RCAN1: variants seen among roughly 807,000 people sequenced by gnomAD.
RCAN1 encodes regulator of calcineurin 1, also known as calcipressin-1.
Under a neutral mutation model 22.9 loss-of-function variants are expected in RCAN1, and 11 were observed. That is an observed-to-expected ratio of 0.48 (90% confidence interval 0.30 to 0.79). The LOEUF (loss-of-function observed/expected upper bound fraction) is 0.79, where lower values mean the gene tolerates loss of function less well. RCAN1 is among the 30% of genes least tolerant of loss of function. The pLI is 0.06. For synonymous variants in RCAN1, 136 were observed against 142.3 expected, an observed-to-expected ratio of 0.96 and a Z score of 0.32; for missense variants, 291 against 337.8, an observed-to-expected ratio of 0.86 and a Z score of 1.09.
intron 1 of RCAN1, among the ~76,000 whole-genome samples, chr21:34,581,418 T>C (rs1487658406): frequency 6.6e-6 from 1 of 152,174 alleles, no homozygotes; most frequent in Non-Finnish European, 1.5e-5. Context: ...GAAAAATGAA[T>C]TGCTGTTGCC....
intron 1 of RCAN1, among the ~76,000 whole-genome samples, chr21:34,536,277 C>T (rs1331233034): frequency 6.6e-6 from 1 of 152,174 alleles, no homozygotes; most frequent in Admixed American, 6.5e-5. Context: ...AATTAATTAC[C>T]CTTTATTTGT....
At chr21:34,551,337 C>T (rs1986359404) in intron 1 of RCAN1, among the ~76,000 whole-genome samples, 1 of 152,080 alleles carries the variant, frequency 6.6e-6, no homozygotes, top group Non-Finnish European at 1.5e-5. Context: ...ATCATTTCTT[C>T]CTTGGAAAAA....
chr21:34,576,329 G>A (rs951270145), intron 1 of RCAN1, among the ~76,000 whole-genome samples: 2 of 152,110 alleles, frequency 1.3e-5, no homozygotes, highest in Non-Finnish European at 1.5e-5. Flanking sequence ...TCCTCTACCC[G>A]AGCTGTTCTT....
In RCAN1 at chr21:34,568,433, A is replaced by G. The variant is rs188477125; in HGVS notation, c.253-44723T>C. On this transcript the variant is annotated intron_variant, in intron 1 of 3. Transcript: ENST00000313806. ...TTAACTTTGAGAATTTGGTTTTCCA[A>G]CTTCACAATGAAGTGAGCTTGTAAC... is the stretch of plus-strand genomic sequence containing the variant. Among the ~76,000 whole-genome samples, 277 of 152,286 alleles carry G rather than the reference A, an allele frequency of 1.8e-3. 5 individuals carry two copies. Among genetic ancestry groups the G allele is most frequent in the Non-Finnish European group, 1.9e-3 (127 of 68,042 alleles).
Position 34,614,640 on chromosome 21 carries a change from G to T in RCAN1, c.252+120C>A. 1 of 1,122,222 alleles carries T rather than the reference G, an allele frequency of 8.9e-7. No homozygotes were observed. The highest frequency in any genetic ancestry group is 1.1e-6 in the Non-Finnish European group (1 of 909,984). 69.5% of individuals were successfully genotyped at this position (1,122,222 alleles called of 1,614,324 possible). A position where few individuals can be genotyped will look rare whatever the true frequency, so the allele number is the denominator to read the frequency against. ...ACGGGTCCGCGGCCGAGCAGCCCGG[G>T]GGACGTCGCTGCCTCCCCGCCCCGC... On this transcript the variant is annotated intron_variant, in intron 1 of 3. Transcript: ENST00000313806. This position sits in a 1 kb window ranked among gnomAD's most constrained non-coding sequence, Gnocchi z 6.0.
chr21:34,610,982 G>A (rs1460961870), intron 1 of RCAN1, among the ~76,000 whole-genome samples: 1 of 152,024 alleles, frequency 6.6e-6, no homozygotes, highest in Non-Finnish European at 1.5e-5. Flanking sequence ...TTCCAGCAAA[G>A]CTCTATGAAT....
At chr21:34,548,732 A>G (rs1453587590) in intron 1 of RCAN1, among the ~76,000 whole-genome samples, 1 of 152,244 alleles carries the variant, frequency 6.6e-6, no homozygotes, top group African/African-American at 2.4e-5. Context: ...AAAAGCTGCT[A>G]TTAACTTCTA....
chr21:34,541,492 T>TATTA (rs1288454652), intron 1 of RCAN1, among the ~76,000 whole-genome samples: 1 of 152,274 alleles, frequency 6.6e-6, no homozygotes, highest in Non-Finnish European at 1.5e-5. Context: ...CAGGTGCTTT[T>TATTA]ATTAAAGGAC....
chr21:34,613,007 C>T (rs897759071), intron 1 of RCAN1, among the ~76,000 whole-genome samples: 1 of 152,212 alleles, frequency 6.6e-6, no homozygotes. Flanking sequence ...TGTCTATCTC[C>T]CCCTCAACCA....
At chr21:34,593,342 T>C (rs1372436459) in intron 1 of RCAN1, among the ~76,000 whole-genome samples, 1 of 152,240 alleles carries the variant, frequency 6.6e-6, no homozygotes, top group Admixed American at 6.5e-5. Flanking sequence ...GCTGCTAGAA[T>C]AGGCACAACT....
At chr21:34,595,767 T>C (rs2123717265) in intron 1 of RCAN1, among the ~76,000 whole-genome samples, 1 of 152,318 alleles carries the variant, frequency 6.6e-6, no homozygotes, top group Middle Eastern at 3.4e-3. Flanking sequence ...ACACGCTGCC[T>C]GGATGGCTCT....
At position 34,613,518 on chromosome 21, in the gene RCAN1, CACT is replaced by C. The variant is rs1988735086; in HGVS notation, c.252+1239_252+1241del. 5.3e-5 allele frequency among the ~76,000 whole-genome samples: 8 copies of C among 152,322 alleles called. No homozygotes were observed. In the South Asian group the frequency reaches 1.7e-3, roughly 32 times the overall value. ...CAACACTGGAAAAAATTGTCTCCAA[CACT>C]ACAAGTAAGTGCCGTCTTACGTGAC... On this transcript the variant is annotated intron_variant, in intron 1 of 3. Transcript: ENST00000313806.
chr21:34,577,121 G>T (rs953083019), intron 1 of RCAN1, among the ~76,000 whole-genome samples: 1 of 152,216 alleles, frequency 6.6e-6, no homozygotes, highest in Admixed American at 6.5e-5. Context: ...ACCTCAGGTA[G>T]TTGAGCACCA....
intron 1 of RCAN1, among the ~76,000 whole-genome samples, chr21:34,581,567 G>A (rs957601015): frequency 1.3e-5 from 2 of 152,100 alleles, no homozygotes; most frequent in African/African-American, 4.8e-5. Context: ...CCTGCTCCAC[G>A]TCTCTGGTTA....
In RCAN1 at chr21:34,523,697, G is replaced by C. The variant is rs1268864230; in HGVS notation, c.266C>G (p.Ser89Cys). The C allele has an allele frequency of 1.2e-6, 2 of 1,611,378 alleles. No homozygotes were observed. Among genetic ancestry groups the C allele is most frequent in the African/African-American group, 1.3e-5 (1 of 74,738 alleles). The change falls in exon 2 of 4, where the codon TCC becomes TGC. Residue 89 changes from serine (S) to cysteine (C), a missense_variant. Coordinates refer to ENST00000313806, the MANE Select transcript of RCAN1 (RefSeq NM_004414.7). ...GTCCTTGTCATACGTCCTAAAGAGG[G>C]ACTCAAATTTGGCCTGAAAAATAAC... ...VDGLCRAKFE[S>C]LFRTYDKDIT...
At chr21:34,543,585 A>C (rs985725962) in intron 1 of RCAN1, among the ~76,000 whole-genome samples, 3 of 152,250 alleles carry the variant, frequency 2.0e-5, no homozygotes, top group African/African-American at 7.2e-5. Flanking sequence ...AATCTGTTAC[A>C]TCAGCAACAG....
intron 1 of RCAN1, among the ~76,000 whole-genome samples, chr21:34,540,040 C>T (rs1402220738): frequency 6.6e-6 from 1 of 152,156 alleles, no homozygotes. Context: ...ATTATTTTCC[C>T]CATTCTTCTT....
At chr21:34,525,347 C>G (rs1601135157) in intron 1 of RCAN1, 1 of 1,493,042 alleles carries the variant, frequency 6.7e-7, no homozygotes, top group East Asian at 2.5e-5. Context: ...ATTTCTGAGA[C>G]TTTCCCACGA....
At chr21:34,547,631 C>T (rs1986201179) in intron 1 of RCAN1, among the ~76,000 whole-genome samples, 1 of 152,162 alleles carries the variant, frequency 6.6e-6, no homozygotes, top group African/African-American at 2.4e-5. Flanking sequence ...GGTGAGGAGG[C>T]CACGAGGGCA....
Sources: allele counts gnomAD v4.1 joint callset (sites outside exome capture counted in the v4.1 genomes callset), GRCh38; gene constraint gnomAD v4.1.1; non-coding constraint Gnocchi (gnomAD v3.1); transcripts MANE v1.5; gene names NCBI Gene and HGNC (gene_info 2026-07-23, HGNC 2026-07-21).